The following KLF7 variants were observed in gnomAD, a reference collection of about 807,000 sequenced individuals.
The protein encoded by KLF7 is Krueppel-like factor 7.
In KLF7, 2 loss-of-function variants were observed where a neutral mutation model predicts 27.3. That is an observed-to-expected ratio of 0.07 (90% CI 0.03 to 0.23). The LOEUF (loss-of-function observed/expected upper bound fraction) is 0.23, where lower values mean the gene tolerates loss of function less well. Among genes scored for constraint, KLF7 ranks in the 10% least tolerant of loss-of-function variants. The probability of loss-of-function intolerance (pLI) is 1.00; values close to 1 mark genes in which losing one functional copy is unlikely to be tolerated. For missense variants in KLF7, 221 were observed against 394.1 expected (o/e 0.56, Z 3.72); for synonymous variants, 165 against 162.4 (o/e 1.02, Z -0.12).
At chr2:207,134,152 G>C (rs1208524841) in intron 1 of KLF7, 1 of 1,360,322 alleles carries the variant, frequency 7.4e-7, no homozygotes. Flanking sequence ...CGGGCTACTG[G>C]GATTTTTTTT....
intron 2 of KLF7, among the ~76,000 whole-genome samples, chr2:207,100,268 A>T (rs987465264): frequency 6.6e-6 from 1 of 152,270 alleles, no homozygotes; most frequent in South Asian, 2.1e-4. Context: ...GCAAATTTCA[A>T]ATCAGTGAAG....
chr2:207,124,192 T>C lies in KLF7; in HGVS notation c.315A>G (p.Leu105=), dbSNP rs200028318. 2.0e-5 allele frequency: 32 copies of C among 1,614,086 alleles called. No individual in the cohort carries two copies. Among genetic ancestry groups the C allele is most frequent in the Middle Eastern group, 1.6e-4 (1 of 6,062 alleles). ...VDILLSRDKL[L]SETCLSLQPA... is the part of the protein sequence containing the mutation. The stretch of plus-strand genomic sequence containing the variant: ...GCTGGAGGCTGAGGCAGGTCTCAGA[T>C]AGCAACTTGTCCCGAGAGAGCAAGA... Residue 105 remains leucine, a synonymous_variant, in exon 2 of 4, where the codon CTA becomes CTG. Transcript: ENST00000309446.
intron 1 of KLF7, among the ~76,000 whole-genome samples, chr2:207,140,081 G>A (rs2077898691): frequency 6.6e-6 from 1 of 152,100 alleles, no homozygotes; most frequent in Non-Finnish European, 1.5e-5. Context: ...TAGAGATGGG[G>A]TTTCACCATG....
rs1411099635 is a variant in KLF7, at chr2:207,165,574, T to C, written c.-6A>G. ...TAACTAGCCAACACGTCCATGCTGC[T>C]GCTGCCGGGCAAAACGGGAGGCGAA... On this transcript the variant is annotated 5_prime_UTR_variant, in exon 1 of 4. Transcript: ENST00000309446. 6.2e-7 allele frequency: 1 copy of C among 1,613,264 alleles called. No homozygotes were observed. Among genetic ancestry groups the C allele is most frequent in the Non-Finnish European group, 8.5e-7 (1 of 1,180,020 alleles).
chr2:207,123,814 T>C lies in KLF7; in HGVS notation c.693A>G (p.Thr231=), dbSNP rs955581950. The stretch of plus-strand genomic sequence containing the variant: ...GGTGGGCCTTTAAGTGGGAGCTTTT[T>C]GTATAAACTTTCCGGCACCCGTTAA... ...CQFNGCRKVY[T]KSSHLKAHQR... The change falls in exon 2 of 4, where the codon ACA becomes ACG. Residue 231 remains threonine, a synonymous_variant. Transcript: ENST00000309446. The C allele has an allele frequency of 3.1e-6, 5 of 1,614,106 alleles. No individual in the cohort carries two copies. Among genetic ancestry groups the C allele is most frequent in the Middle Eastern group, 1.7e-4 (1 of 6,060 alleles).
At chr2:207,152,092 A>G (rs999195501) in intron 1 of KLF7, among the ~76,000 whole-genome samples, 5 of 152,200 alleles carry the variant, frequency 3.3e-5, no homozygotes, top group African/African-American at 1.2e-4. Flanking sequence ...GATTCTCAGG[A>G]AAGTACTTTA....
chr2:207,148,020 A>G (rs1182611257), intron 1 of KLF7, among the ~76,000 whole-genome samples: 1 of 152,202 alleles, frequency 6.6e-6, no homozygotes, highest in Admixed American at 6.5e-5. Context: ...CTTTTTAAAA[A>G]TCAAAACTAA....
At chr2:207,129,411 G>A (rs775532989) in intron 1 of KLF7, among the ~76,000 whole-genome samples, 19 of 152,112 alleles carry the variant, frequency 1.2e-4, no homozygotes, top group Non-Finnish European at 1.8e-4. Flanking sequence ...AGTCAGCAAT[G>A]GGAAGAAAAT....
chr2:207,123,126 C>T (rs1275038301), intron 2 of KLF7, among the ~76,000 whole-genome samples: 1 of 152,040 alleles, frequency 6.6e-6, no homozygotes, highest in Non-Finnish European at 1.5e-5. Context: ...CCCCATCCCT[C>T]CCCCACCCGC....
chr2:207,147,679 C>A (rs1013492711), intron 1 of KLF7, among the ~76,000 whole-genome samples: 1 of 152,106 alleles, frequency 6.6e-6, no homozygotes, highest in African/African-American at 2.4e-5. Flanking sequence ...GGTGTTCTTA[C>A]GACCACACCC....
chr2:207,150,997 T>TAAAA (rs34218929), intron 1 of KLF7, among the ~76,000 whole-genome samples: 14,375 of 90,024 alleles, frequency 0.16, 1,651 homozygotes, highest in Middle Eastern at 0.22. Flanking sequence ...TTCTCTTTAT[T>TAAAA]AAAAAAAAAA....
At chr2:207,107,702 C>G (rs1456395447) in intron 2 of KLF7, among the ~76,000 whole-genome samples, 2 of 152,206 alleles carry the variant, frequency 1.3e-5, no homozygotes, top group Admixed American at 6.5e-5. Context: ...AGACCGCTAT[C>G]TGCCAAATGC....
chr2:207,143,334 G>T (rs1256736851), intron 1 of KLF7, among the ~76,000 whole-genome samples: 1 of 147,918 alleles, frequency 6.8e-6, no homozygotes, highest in Non-Finnish European at 1.5e-5. Context: ...CACACGTAAA[G>T]TTTAAAGTAA....
At chr2:207,144,843 G>A (rs1230144275) in intron 1 of KLF7, among the ~76,000 whole-genome samples, 3 of 152,116 alleles carry the variant, frequency 2.0e-5, no homozygotes, top group Admixed American at 6.5e-5. Context: ...CAATTCTGGC[G>A]TTTGATTCTA....
intron 2 of KLF7, among the ~76,000 whole-genome samples, chr2:207,101,589 T>C (rs1354168567): frequency 6.6e-6 from 1 of 152,122 alleles, no homozygotes; most frequent in Non-Finnish European, 1.5e-5. Context: ...AAGAATGGAC[T>C]GAAGAGGTGG....
At position 207,074,376 on chromosome 2, in the gene KLF7, C is replaced by T. The variant is rs780864683; in HGVS notation, c.*6837G>A. ...CACCACCAGCTGGGTTCTCTACCTT[C>T]CTCCTTACTGGTGATGCTCTTTCCT... On this transcript the variant is annotated 3_prime_UTR_variant, in exon 4 of 4. Coordinates refer to ENST00000309446, the MANE Select transcript of KLF7 (RefSeq NM_003709.4). 4 of 152,250 alleles carry T rather than the reference C, an allele frequency of 2.6e-5. No individual in the cohort carries two copies. The highest frequency in any genetic ancestry group is 5.9e-5 in the Non-Finnish European group (4 of 68,098). 9.4% of individuals were successfully genotyped at this position (152,250 alleles called of 1,614,324 possible).
chr2:207,149,566 G>C (rs780080978), intron 1 of KLF7, among the ~76,000 whole-genome samples: 2 of 152,244 alleles, frequency 1.3e-5, no homozygotes, highest in Admixed American at 1.3e-4. Flanking sequence ...CTCACAGACA[G>C]AGCTGCAGAT....
intron 1 of KLF7, among the ~76,000 whole-genome samples, chr2:207,164,720 C>CA (rs2078651062): frequency 6.6e-6 from 1 of 152,208 alleles, no homozygotes; most frequent in African/African-American, 2.4e-5. Flanking sequence ...AAGCACACAT[C>CA]AGCCTTTGTC....
chr2:207,130,460 T>TA (rs1473757254), intron 1 of KLF7, among the ~76,000 whole-genome samples: 1 of 152,252 alleles, frequency 6.6e-6, no homozygotes, highest in Non-Finnish European at 1.5e-5. Flanking sequence ...CATACGTTCC[T>TA]AAACAGTAAA....
Sources: gnomAD v4.1 joint callset for allele counts (sites outside exome capture counted in the v4.1 genomes callset) on GRCh38, gnomAD v4.1.1 for gene constraint, MANE v1.5 for transcripts, NCBI Gene and HGNC (gene_info 2026-07-23, HGNC 2026-07-21) for gene names.